The following PIK3C2G variants were observed in gnomAD, a reference collection of about 807,000 sequenced individuals.
The protein encoded by PIK3C2G is phosphatidylinositol-4-phosphate 3-kinase catalytic subunit type 2 gamma, also known as phosphatidylinositol 3-kinase C2 domain-containing subunit gamma.
Under a neutral mutation model 181.1 loss-of-function variants are expected in PIK3C2G, and 168 were observed. The ratio of observed to expected loss-of-function variants is 0.93; its 90% confidence interval spans 0.82 to 1.05. The LOEUF (loss-of-function observed/expected upper bound fraction) is 1.05, where lower values mean the gene tolerates loss of function less well. Among genes scored for constraint, PIK3C2G ranks in the 50% least tolerant of loss-of-function variants. PIK3C2G has a pLI of 0.00. For synonymous variants in PIK3C2G, 573 were observed against 592.2 expected, an observed-to-expected ratio of 0.97 and a Z score of 0.47; for missense variants, 1,869 against 1,732.8, an observed-to-expected ratio of 1.08 and a Z score of -1.40.
At chr12:18,659,897 G>T in the PIK3C2G span, among the ~76,000 whole-genome samples, 2 of 152,058 alleles carry the variant, frequency 1.3e-5, no homozygotes, top group Non-Finnish European at 2.9e-5. Flanking sequence ...AAATGCTAAA[G>T]GGAGTCCTTT....
At chr12:18,663,003 A>G in the PIK3C2G span, among the ~76,000 whole-genome samples, 4 of 152,286 alleles carry the variant, frequency 2.6e-5, no homozygotes, top group East Asian at 5.8e-4. Context: ...AAGTGCCTCC[A>G]TATCAGAAAT....
chr12:18,474,874 G>A (rs190798181), intron 18 of PIK3C2G, among the ~76,000 whole-genome samples: 190 of 151,544 alleles, frequency 1.3e-3, no homozygotes, highest in African/African-American at 4.1e-3. Context: ...CCTTTTTTCC[G>A]ATCAGAAAAA....
chr12:18,458,565 A>T (rs1947750162), intron 18 of PIK3C2G, among the ~76,000 whole-genome samples: 1 of 152,108 alleles, frequency 6.6e-6, no homozygotes, highest in South Asian at 2.1e-4. Flanking sequence ...CTGCCCTACA[A>T]TGTGGGAAGA....
At chr12:18,563,865 G>T (rs373510080) in intron 28 of PIK3C2G, among the ~76,000 whole-genome samples, 1 of 150,996 alleles carries the variant, frequency 6.6e-6, no homozygotes, top group Non-Finnish European at 1.5e-5. Context: ...AAGAAAATTG[G>T]ATATGTTTAC....
chr12:18,661,145 G>A, the PIK3C2G span, among the ~76,000 whole-genome samples: 2 of 152,158 alleles, frequency 1.3e-5, no homozygotes, highest in South Asian at 2.1e-4. Context: ...AGTGAACAGA[G>A]CCTAACCAAC....
intron 1 of PIK3C2G, among the ~76,000 whole-genome samples, chr12:18,269,945 C>T (rs1320874743): frequency 2.9e-5 from 4 of 139,724 alleles, no homozygotes; most frequent in Non-Finnish European, 6.1e-5. Flanking sequence ...CATCTCTCTC[C>T]GTTACCCAGG....
intron 31 of PIK3C2G, among the ~76,000 whole-genome samples, chr12:18,625,347 C>T (rs1439158296): frequency 6.6e-6 from 1 of 151,580 alleles, no homozygotes; most frequent in East Asian, 1.9e-4. Context: ...CCTCCTGTTA[C>T]TGATTTCTAC....
At chr12:18,684,965 T>C in the PIK3C2G span, among the ~76,000 whole-genome samples, 1 of 151,944 alleles carries the variant, frequency 6.6e-6, no homozygotes, top group Non-Finnish European at 1.5e-5. Flanking sequence ...CAAATTTGTT[T>C]CCCCTTCACC....
chr12:18,306,582 T>G (rs1950430382), intron 5 of PIK3C2G, among the ~76,000 whole-genome samples: 1 of 151,998 alleles, frequency 6.6e-6, no homozygotes, highest in Non-Finnish European at 1.5e-5. Context: ...TTACTCAAAT[T>G]AAGGATATGG....
chr12:18,467,488 T>G (rs1443655268), intron 18 of PIK3C2G, among the ~76,000 whole-genome samples: 1 of 92,374 alleles, frequency 1.1e-5, no homozygotes, highest in Non-Finnish European at 2.4e-5. Flanking sequence ...ATTTACAGGT[T>G]TTTTTTTTTT....
At chr12:18,346,267 G>A (rs535937114) in intron 10 of PIK3C2G, among the ~76,000 whole-genome samples, 4 of 152,132 alleles carry the variant, frequency 2.6e-5, no homozygotes, top group African/African-American at 7.2e-5. Flanking sequence ...TTTGTTTGAT[G>A]TACTTATAAG....
At chr12:18,483,224 C>T (rs923317527) in intron 18 of PIK3C2G, among the ~76,000 whole-genome samples, 2 of 152,120 alleles carry the variant, frequency 1.3e-5, no homozygotes, top group East Asian at 1.9e-4. Flanking sequence ...TCCTTCACTG[C>T]CCTCAGCCAT....
intron 16 of PIK3C2G, 95 bp from the exon 17 acceptor site, chr12:18,420,846 A>G (rs971402054): frequency 8.6e-6 from 6 of 694,620 alleles, no homozygotes; most frequent in Non-Finnish European, 1.3e-5. Flanking sequence ...TACCTTATGC[A>G]CTGGGGGTAG....
At chr12:18,617,821 T>C (rs1261801627) in intron 31 of PIK3C2G, among the ~76,000 whole-genome samples, 1 of 152,032 alleles carries the variant, frequency 6.6e-6, no homozygotes, top group Non-Finnish European at 1.5e-5. Flanking sequence ...CCTAGCTAAA[T>C]GAAAGAGGAT....
intron 18 of PIK3C2G, among the ~76,000 whole-genome samples, chr12:18,444,363 G>GT (rs1946912116): frequency 6.6e-6 from 1 of 152,066 alleles, no homozygotes; most frequent in African/African-American, 2.4e-5. Flanking sequence ...TGGTATTTAT[G>GT]TTTTTAGTCT....
intron 15 of PIK3C2G, 86 bp from the exon 16 acceptor site, chr12:18,399,572 CA>C (rs1944123284): frequency 2.9e-6 from 2 of 682,050 alleles, no homozygotes; most frequent in African/African-American, 1.8e-5. Context: ...CAAAGAACTA[CA>C]GTAAGGTTTT....
At chr12:18,332,468 A>C (rs942643260) in intron 8 of PIK3C2G, among the ~76,000 whole-genome samples, 3 of 152,040 alleles carry the variant, frequency 2.0e-5, no homozygotes, top group Admixed American at 2.0e-4. Context: ...CCCCTCCTCC[A>C]CATGGCGGCC....
At chr12:18,719,640 AAT>A in the PIK3C2G span, 6 of 1,553,330 alleles carry the variant, frequency 3.9e-6, no homozygotes, top group Middle Eastern at 1.8e-4. Context: ...TAACTAAAAA[AAT>A]AAAATAAAAT....
At chr12:18,596,320 C>A (rs571962684) in intron 30 of PIK3C2G, among the ~76,000 whole-genome samples, 1 of 152,110 alleles carries the variant, frequency 6.6e-6, no homozygotes, top group African/African-American at 2.4e-5. Flanking sequence ...AATAAAAAAA[C>A]TACAAATTAT....
Sources: gnomAD v4.1 joint callset for allele counts (sites outside exome capture counted in the v4.1 genomes callset) on GRCh38, gnomAD v4.1.1 for gene constraint, MANE v1.5 for transcripts, NCBI Gene and HGNC (gene_info 2026-07-23, HGNC 2026-07-21) for gene names.